The following EML5 variants were observed in gnomAD, a reference collection of about 807,000 sequenced individuals.
EML5 encodes the protein EMAP like 5.
EML5 carries 120 observed loss-of-function variants against 250.0 expected under a neutral mutation model. That is an observed-to-expected ratio of 0.48 (90% CI 0.41 to 0.56). The LOEUF (loss-of-function observed/expected upper bound fraction) is 0.56, where lower values mean the gene tolerates loss of function less well. EML5 is among the 20% of genes least tolerant of loss of function. EML5 has a pLI of 0.00. For missense variants in EML5, 2,006 were observed against 2,437.6 expected, an observed-to-expected ratio of 0.82 and a Z score of 3.73; for synonymous variants, 771 against 806.5, an observed-to-expected ratio of 0.96 and a Z score of 0.75.
chr14:88,729,293 A>G lies in EML5; in HGVS notation c.1050-2615T>C, dbSNP rs185908155. On this transcript the variant is annotated intron_variant, in intron 7 of 43. Transcript: ENST00000554922. The stretch of plus-strand genomic sequence containing the variant: ...GTCTTTTTTCTGATTTCAAAGGAAA[A>G]TCTTCAATACTTCAACATTAAATAT... Among the ~76,000 whole-genome samples, 170 of 152,290 alleles carry G rather than the reference A, an allele frequency of 1.1e-3. 1 individual carries two copies. Among genetic ancestry groups the G allele is most frequent in the Middle Eastern group, 3.4e-3 (1 of 294 alleles).
intron 35 of EML5, chr14:88,625,465 G>A (rs1477957472): frequency 2.8e-5 from 5 of 181,094 alleles, no homozygotes; most frequent in Non-Finnish European, 5.8e-5. Flanking sequence ...GCAATGGTGC[G>A]ATCTCAGCTC....
At chr14:88,651,706 T>A (rs552474035) in intron 27 of EML5, among the ~76,000 whole-genome samples, 80 of 151,936 alleles carry the variant, frequency 5.3e-4, no homozygotes, top group African/African-American at 1.9e-3. Context: ...ATTAGAATAT[T>A]TAAATAATAT....
At chr14:88,728,650 G>A (rs532883947) in intron 7 of EML5, among the ~76,000 whole-genome samples, 3 of 152,196 alleles carry the variant, frequency 2.0e-5, no homozygotes, top group Non-Finnish European at 2.9e-5. Flanking sequence ...CTTGTCTTAC[G>A]ATCTCAGGGG....
chr14:88,692,586 G>A (rs2092985982), intron 17 of EML5, among the ~76,000 whole-genome samples: 1 of 152,172 alleles, frequency 6.6e-6, no homozygotes, highest in African/African-American at 2.4e-5. Flanking sequence ...AGGGACTTGT[G>A]CAGCATGGAT....
intron 4 of EML5, among the ~76,000 whole-genome samples, chr14:88,742,865 G>A (rs953604468): frequency 4.6e-5 from 7 of 152,032 alleles, no homozygotes; most frequent in Admixed American, 1.3e-4. Context: ...TGGAGAAAAC[G>A]TGGATGGAGT....
intron 37 of EML5, chr14:88,621,638 T>C (rs1030063719): frequency 4.7e-5 from 15 of 319,106 alleles, no homozygotes; most frequent in Admixed American, 1.3e-4. Context: ...GAAAAAATAA[T>C]AGAATTTATT....
intron 8 of EML5, among the ~76,000 whole-genome samples, chr14:88,724,682 T>C (rs2093640481): frequency 6.6e-6 from 1 of 152,210 alleles, no homozygotes; most frequent in South Asian, 2.1e-4. Flanking sequence ...CCAATTCCAG[T>C]ACTTCCAATA....
At chr14:88,677,307 A>G (rs935572779) in intron 21 of EML5, among the ~76,000 whole-genome samples, 1 of 152,220 alleles carries the variant, frequency 6.6e-6, no homozygotes, top group African/African-American at 2.4e-5. Context: ...TTAACTCAAG[A>G]TGGATTAAAG....
intron 29 of EML5, 96 bp downstream of exon 29, chr14:88,646,851 A>T: frequency 7.7e-7 from 1 of 1,304,346 alleles, no homozygotes; most frequent in Non-Finnish European, 1.0e-6. Context: ...GAAGAGAGGT[A>T]AAGAACACTA....
Position 88,626,578 on chromosome 14 carries a change from T to C in EML5, c.4740+260A>G, listed in dbSNP as rs905813812. ...GCTACAGTGAGCTATAATCGCACCA[T>C]TGCACCCCAGCCCAGGCGACAGAGT... On this transcript the variant is annotated intron_variant, in intron 35 of 43. Coordinates refer to ENST00000554922, the MANE Select transcript of EML5 (RefSeq NM_183387.3). 58 of 438,618 alleles carry C rather than the reference T, an allele frequency of 1.3e-4. No homozygotes were observed. The Admixed American group carries it at 1.4e-3, about 10-fold the overall frequency. The allele number at this position is 438,618 out of a possible 1,614,324, so 27.2% of individuals were successfully genotyped here.
intron 1 of EML5, among the ~76,000 whole-genome samples, chr14:88,788,072 A>G (rs1192477762): frequency 6.6e-6 from 1 of 152,222 alleles, no homozygotes; most frequent in Non-Finnish European, 1.5e-5. Context: ...AAGATAAGCC[A>G]GGTTTGGGAA....
chr14:88,616,604 G>C (rs1436158101), intron 42 of EML5, 122 bp downstream of exon 42: 8 of 1,009,134 alleles, frequency 7.9e-6, no homozygotes, highest in Admixed American at 5.8e-5. Flanking sequence ...AATAGATTTA[G>C]AAAGTTTGGG....
intron 1 of EML5, among the ~76,000 whole-genome samples, chr14:88,764,836 ATTT>A (rs773444490): frequency 6.6e-6 from 1 of 151,622 alleles, no homozygotes; most frequent in Non-Finnish European, 1.5e-5. Flanking sequence ...TGTGTTACTG[ATTT>A]TTATTTTGAT....
chr14:88,784,185 C>T lies in EML5; in HGVS notation c.197+8122G>A, dbSNP rs558982163. On this transcript the variant is annotated intron_variant, in intron 1 of 43. Transcript: ENST00000554922. ...GGAAGTTTAAAGTTGTAAGTGCCTACATCAAAAAAAAGGAAAAACTTCAAA... is the reference window on the plus strand; with the variant it reads ...GGAAGTTTAAAGTTGTAAGTGCCTATATCAAAAAAAAGGAAAAACTTCAAA... Among the ~76,000 whole-genome samples the T allele has an allele frequency of 1.1e-4, 17 of 151,844 alleles. No individual in the cohort carries two copies. In the South Asian group the frequency reaches 3.5e-3, roughly 32 times the overall value.
At chr14:88,762,102 T>C (rs1436969575) in intron 1 of EML5, among the ~76,000 whole-genome samples, 2 of 152,180 alleles carry the variant, frequency 1.3e-5, no homozygotes, top group Admixed American at 6.5e-5. Flanking sequence ...GATGGACAGA[T>C]TGCAAAAATT....
rs1354199738 is a variant in EML5 at position 88,614,871 on chromosome 14, A to G, written c.*947T>C. On this transcript the variant is annotated 3_prime_UTR_variant, in exon 44 of 44. Coordinates refer to ENST00000554922, the MANE Select transcript of EML5 (RefSeq NM_183387.3). ...ATCTAAACAAATTTTCCCAATAGAAAAAAGGCTATAAAAATTTTATTCCAA... is the reference window on the plus strand; with the variant it reads ...ATCTAAACAAATTTTCCCAATAGAAGAAAGGCTATAAAAATTTTATTCCAA... The G allele has an allele frequency of 2.6e-5, 4 of 152,244 alleles. No individual in the cohort carries two copies. The East Asian group carries it at 7.7e-4, about 29-fold the overall frequency. The allele number at this position is 152,244 out of a possible 1,614,324, so 9.4% of individuals were successfully genotyped here.
chr14:88,618,932 T>G lies in EML5; in HGVS notation c.5376-120A>C, dbSNP rs552553687. 4 of 939,230 alleles carry G rather than the reference T, an allele frequency of 4.3e-6. No homozygotes were observed. The African/African-American group carries it at 6.7e-5, about 16-fold the overall frequency. The allele number at this position is 939,230 out of a possible 1,614,324, so 58.2% of individuals were successfully genotyped here. ...CGTGTGATAAGGCCTCAAATAGATT[T>G]ACCTGTCAGACACAACTGATCATGT... On this transcript the variant is annotated intron_variant, in intron 39 of 43. Coordinates refer to ENST00000554922, the MANE Select transcript of EML5 (RefSeq NM_183387.3).
intron 1 of EML5, among the ~76,000 whole-genome samples, chr14:88,757,687 G>T (rs933502564): frequency 6.6e-6 from 1 of 152,110 alleles, no homozygotes; most frequent in Non-Finnish European, 1.5e-5. Flanking sequence ...CCCCAAGGAA[G>T]ATATACAAAA....
At chr14:88,669,531 G>A (rs184906395) in intron 21 of EML5, among the ~76,000 whole-genome samples, 4 of 152,150 alleles carry the variant, frequency 2.6e-5, no homozygotes, top group Admixed American at 6.5e-5. Flanking sequence ...ACTGTGCGGG[G>A]CCTCCCTGCA....
Sources: gnomAD v4.1 joint callset for allele counts (sites outside exome capture counted in the v4.1 genomes callset) on GRCh38, gnomAD v4.1.1 for gene constraint, MANE v1.5 for transcripts, NCBI Gene and HGNC (gene_info 2026-07-23, HGNC 2026-07-21) for gene names.